Variants in MMP26 observed in about 807,000 individuals in gnomAD.
MMP26 encodes matrix metallopeptidase 26.
Under a neutral mutation model 31.0 loss-of-function variants are expected in MMP26, and 33 were observed. The observed-to-expected ratio is 1.06, with a 90% CI of 0.81 to 1.42. The LOEUF (loss-of-function observed/expected upper bound fraction) is 1.42. Ranked by LOEUF, MMP26 falls within the 40% of genes most tolerant of loss-of-function variation. The pLI, the probability that MMP26 is intolerant of heterozygous loss-of-function variation, is 0.00. For missense variants in MMP26, 347 were observed against 316.1 expected, an observed-to-expected ratio of 1.10 and a Z score of -0.74; for synonymous variants, 122 against 114.9, an observed-to-expected ratio of 1.06 and a Z score of -0.40.
chr11:4,711,169 A>G (rs186998490), intron 1 of MMP26: 1 of 152,228 alleles, frequency 6.6e-6, no homozygotes, highest in African/African-American at 2.4e-5. Flanking sequence ...TGCAATGAAC[A>G]TGTGGAAACT....
intron 2 of MMP26, among the ~76,000 whole-genome samples, chr11:4,804,955 G>T (rs1849246264): frequency 7.0e-6 from 1 of 143,844 alleles, no homozygotes; most frequent in African/African-American, 2.7e-5. Flanking sequence ...GGGTGTCAGA[G>T]CGAAACCGCC....
At chr11:4,923,282 C>T (rs1240731040) in intron 2 of MMP26, 1 of 1,330,832 alleles carries the variant, frequency 7.5e-7, no homozygotes, top group African/African-American at 1.5e-5. Flanking sequence ...TTTTTGTTGA[C>T]AGTCAACGGT....
chr11:4,907,690 C>T (rs1439754984), intron 2 of MMP26: 7 of 1,613,888 alleles, frequency 4.3e-6, no homozygotes, highest in Non-Finnish European at 5.9e-6. Context: ...TTCATGGATT[C>T]ACTGTCATGG....
intron 2 of MMP26, among the ~76,000 whole-genome samples, chr11:4,861,761 C>T (rs533355895): frequency 1.2e-3 from 189 of 152,150 alleles, no homozygotes; most frequent in Middle Eastern, 3.4e-3. Flanking sequence ...CTTTCTGTAC[C>T]CATGAGTGCC....
chr11:4,950,296 G>A lies in MMP26; in HGVS notation c.-144-37772G>A, dbSNP rs1846358901. Among the ~76,000 whole-genome samples, 2 of 121,666 alleles carry A rather than the reference G, an allele frequency of 1.6e-5. 1 individual carries two copies. The allele number at this position is 121,666 out of a possible 152,430, so 79.8% of individuals were successfully genotyped here. ...TTAATTAATAGAAAGCATTTCCATGGAAAGACCTCTGGGAATAAATAATAT... is the reference window on the plus strand; with the variant it reads ...TTAATTAATAGAAAGCATTTCCATGAAAAGACCTCTGGGAATAAATAATAT... On this transcript the variant is annotated intron_variant, in intron 2 of 7. Coordinates refer to ENST00000380390, the MANE Select transcript of MMP26 (RefSeq NM_021801.5).
intron 2 of MMP26, among the ~76,000 whole-genome samples, chr11:4,805,259 A>T (rs528174198): frequency 2.0e-5 from 3 of 152,240 alleles, no homozygotes; most frequent in Non-Finnish European, 4.4e-5. Context: ...TGGGAAGTTA[A>T]TCTACTGACC....
intron 2 of MMP26, among the ~76,000 whole-genome samples, chr11:4,853,700 T>G (rs546480263): frequency 6.6e-6 from 1 of 152,166 alleles, no homozygotes; most frequent in African/African-American, 2.4e-5. Context: ...CATGGGTGAA[T>G]TAGATCACAT....
intron 2 of MMP26, among the ~76,000 whole-genome samples, chr11:4,905,575 G>C (rs530238517): frequency 6.6e-6 from 1 of 152,204 alleles, no homozygotes; most frequent in South Asian, 2.1e-4. Flanking sequence ...AAAAATTCTG[G>C]AGTGAGGATA....
intron 2 of MMP26, among the ~76,000 whole-genome samples, chr11:4,788,984 T>C (rs1266630242): frequency 4.6e-5 from 7 of 152,194 alleles, no homozygotes; most frequent in Admixed American, 1.3e-4. Flanking sequence ...CAAGCCTGCA[T>C]GGTAGAGAAT....
chr11:4,991,858 C>A (rs1438959751), intron 6 of MMP26, 106 bp from the exon 7 acceptor site: 2 of 1,090,302 alleles, frequency 1.8e-6, no homozygotes, highest in Admixed American at 3.1e-5. Context: ...AACATTTGCC[C>A]TTTCCTCGTT....
At chr11:4,730,365 A>C (rs1353941458) in intron 1 of MMP26, among the ~76,000 whole-genome samples, 1 of 150,496 alleles carries the variant, frequency 6.6e-6, no homozygotes, top group Non-Finnish European at 1.5e-5. Flanking sequence ...AGAATTTCTC[A>C]TCACATCTCC....
At chr11:4,772,884 C>A (rs1848744449) in intron 2 of MMP26, among the ~76,000 whole-genome samples, 1 of 152,102 alleles carries the variant, frequency 6.6e-6, no homozygotes, top group South Asian at 2.1e-4. Context: ...TCTTTGATTT[C>A]TACTCTGCTA....
chr11:4,808,889 CTAGTG>C (rs1849313466), intron 2 of MMP26, among the ~76,000 whole-genome samples: 1 of 150,298 alleles, frequency 6.7e-6, no homozygotes, highest in Non-Finnish European at 1.5e-5. Context: ...CCTACGGAAT[CTAGTG>C]CCGTCACTGT....
chr11:4,764,506 A>C (rs1256424827), intron 1 of MMP26, among the ~76,000 whole-genome samples: 1 of 152,186 alleles, frequency 6.6e-6, no homozygotes, highest in Non-Finnish European at 1.5e-5. Context: ...AGCAGGGCTA[A>C]AGAGATACTC....
intron 2 of MMP26, among the ~76,000 whole-genome samples, chr11:4,820,871 C>T (rs11034068): frequency 0.037 from 5,591 of 151,760 alleles, 168 homozygotes; most frequent in Admixed American, 0.095. Flanking sequence ...CCAACAAATG[C>T]GATCAATATT....
chr11:4,770,984 T>C (rs923281526), intron 2 of MMP26, among the ~76,000 whole-genome samples: 1 of 152,072 alleles, frequency 6.6e-6, no homozygotes, highest in African/African-American at 2.4e-5. Context: ...GAAAAAACAG[T>C]GGAAAATTGA....
chr11:4,831,938 T>C (rs1290152272), intron 2 of MMP26, among the ~76,000 whole-genome samples: 1 of 152,206 alleles, frequency 6.6e-6, no homozygotes, highest in Non-Finnish European at 1.5e-5. Flanking sequence ...GTGATGAACC[T>C]GTTTAAATAT....
rs1359101636 is a variant in MMP26 at position 4,863,990 on chromosome 11, T to TA, written c.-145+96651dup. Among the ~76,000 whole-genome samples the TA allele has an allele frequency of 2.0e-5, 3 of 152,278 alleles. 1 individual carries two copies. Among genetic ancestry groups the TA allele is most frequent in the African/African-American group, 7.2e-5 (3 of 41,568 alleles). On this transcript the variant is annotated intron_variant, in intron 2 of 7. Transcript: ENST00000380390. ...CACACACACTAATTTGAATCATGTT[T>TA]AATCACTAAGTAAGACTTACAATTC...
intron 2 of MMP26, among the ~76,000 whole-genome samples, chr11:4,983,476 C>T (rs1385837696): frequency 6.6e-6 from 1 of 152,068 alleles, no homozygotes; most frequent in Non-Finnish European, 1.5e-5. Flanking sequence ...AAAAAGTGGC[C>T]GTGCAGTCTG....
Sources: gnomAD v4.1 joint callset for allele counts (sites outside exome capture counted in the v4.1 genomes callset) on GRCh38, gnomAD v4.1.1 for gene constraint, MANE v1.5 for transcripts, NCBI Gene and HGNC (gene_info 2026-07-23, HGNC 2026-07-21) for gene names.